Variants in NEK7 observed in about 807,000 individuals in gnomAD.
The protein encoded by NEK7 is NIMA related kinase 7.
Under a neutral mutation model 44.6 loss-of-function variants are expected in NEK7, and 18 were observed. That is an observed-to-expected ratio of 0.40 (90% CI 0.28 to 0.60). The LOEUF is 0.60. Ranked by LOEUF, NEK7 falls within the 20% of genes least tolerant of loss-of-function variation. The pLI is 0.38. For synonymous variants in NEK7, 130 were observed against 121.1 expected, an observed-to-expected ratio of 1.07 and a Z score of -0.48; for missense variants, 256 against 366.5, an observed-to-expected ratio of 0.70 and a Z score of 2.46.
intron 7 of NEK7, among the ~76,000 whole-genome samples, chr1:198,284,328 A>G (rs1654304288): frequency 6.6e-6 from 1 of 152,092 alleles, no homozygotes; most frequent in Admixed American, 6.6e-5. Flanking sequence ...ATTTGTTGTT[A>G]TTAGATCTAG....
intron 5 of NEK7, among the ~76,000 whole-genome samples, chr1:198,273,103 G>A (rs1202925148): frequency 1.3e-5 from 2 of 151,744 alleles, no homozygotes; most frequent in East Asian, 1.9e-4. Flanking sequence ...AAACAGCTTA[G>A]CACTCTTAAT....
At chr1:198,204,913 G>A (rs1665550074) in intron 1 of NEK7, among the ~76,000 whole-genome samples, 1 of 152,080 alleles carries the variant, frequency 6.6e-6, no homozygotes, top group South Asian at 2.1e-4. Context: ...GCCTGGGAGG[G>A]ATGTTTGTGC....
intron 2 of NEK7, among the ~76,000 whole-genome samples, chr1:198,248,028 G>C (rs755527970): frequency 6.6e-6 from 1 of 152,090 alleles, no homozygotes; most frequent in Non-Finnish European, 1.5e-5. Context: ...GGGTGCACTA[G>C]CCTGGCCCCA....
chr1:198,316,503 AAG>A (rs1267929822), intron 9 of NEK7, among the ~76,000 whole-genome samples: 1 of 152,200 alleles, frequency 6.6e-6, no homozygotes, highest in Non-Finnish European at 1.5e-5. Context: ...ATTTTAGAAA[AAG>A]AGGAAAGTAA....
rs1655489656 is a variant in NEK7, at chr1:198,320,009, T to C, written c.*487T>C. ...CGTTTGAAGTACTAGTTTTAGTTCT[T>C]AGCAGAGTAGTTTTCAAATATGATT... On this transcript the variant is annotated 3_prime_UTR_variant, in exon 10 of 10. Transcript: ENST00000367385. 1 of 152,398 alleles carries C rather than the reference T, an allele frequency of 6.6e-6. No individual in the cohort carries two copies. The highest frequency in any genetic ancestry group is 3.4e-3 in the Middle Eastern group (1 of 294). The allele number at this position is 152,398 out of a possible 1,614,324, so 9.4% of individuals were successfully genotyped here.
At chr1:198,177,934 GA>G (rs746152756) in intron 1 of NEK7, among the ~76,000 whole-genome samples, 11 of 151,404 alleles carry the variant, frequency 7.3e-5, no homozygotes, top group Admixed American at 4.6e-4. Context: ...GGCAAGAGAT[GA>G]AAAAAAATAG....
At chr1:198,271,288 A>C (rs1353661058) in intron 5 of NEK7, among the ~76,000 whole-genome samples, 1 of 152,054 alleles carries the variant, frequency 6.6e-6, no homozygotes, top group Non-Finnish European at 1.5e-5. Context: ...AGAGTAATTC[A>C]TAATATTCAC....
intron 1 of NEK7, among the ~76,000 whole-genome samples, chr1:198,204,717 CAA>C (rs58273857): frequency 0.09 from 7,875 of 87,556 alleles, 222 homozygotes; most frequent in African/African-American, 0.2. Context: ...GACTCCGTCT[CAA>C]AAAAAAAAAA....
intron 2 of NEK7, among the ~76,000 whole-genome samples, chr1:198,238,032 A>G (rs1666583841): frequency 6.6e-6 from 1 of 152,124 alleles, no homozygotes; most frequent in Non-Finnish European, 1.5e-5. Flanking sequence ...TTTCAAATCA[A>G]CCTGTCCACT....
At chr1:198,202,671 C>T (rs1046755865) in intron 1 of NEK7, among the ~76,000 whole-genome samples, 4 of 152,182 alleles carry the variant, frequency 2.6e-5, no homozygotes, top group Admixed American at 2.6e-4. Flanking sequence ...TTTTACATGG[C>T]AGCAGATGAG....
rs75803260 is a variant in NEK7, at chr1:198,184,654, T to A, written c.-29+27378T>A. ...ACAGTAACAGCAAGATTACCCTTACTTCCATTAATGAAATCACAATATATA... is the reference window on the plus strand; with the variant it reads ...ACAGTAACAGCAAGATTACCCTTACATCCATTAATGAAATCACAATATATA... On this transcript the variant is annotated intron_variant, in intron 1 of 9. Coordinates refer to ENST00000367385, the MANE Select transcript of NEK7 (RefSeq NM_133494.3). Among the ~76,000 whole-genome samples, 1,006 of 152,166 alleles carry A rather than the reference T, an allele frequency of 6.6e-3. 12 individuals are homozygous for A. The highest frequency in any genetic ancestry group is 0.022 in the African/African-American group (934 of 41,514).
intron 1 of NEK7, among the ~76,000 whole-genome samples, chr1:198,212,964 A>G (rs1665818529): frequency 6.6e-6 from 1 of 152,236 alleles, no homozygotes; most frequent in South Asian, 2.1e-4. Context: ...CCTTACTGTT[A>G]CAGCTGGTAT....
chr1:198,162,427 G>GC (rs1664137797), intron 1 of NEK7, among the ~76,000 whole-genome samples: 1 of 152,096 alleles, frequency 6.6e-6, no homozygotes, highest in African/African-American at 2.4e-5. Flanking sequence ...AAAACTCCAG[G>GC]GTTGTCATTG....
At chr1:198,254,035 T>A (rs1344426250) in intron 3 of NEK7, among the ~76,000 whole-genome samples, 1 of 152,208 alleles carries the variant, frequency 6.6e-6, no homozygotes, top group Non-Finnish European at 1.5e-5. Flanking sequence ...AACTCTTTTA[T>A]CTTTTTTCTG....
chr1:198,193,606 C>A (rs1240227558), intron 1 of NEK7, among the ~76,000 whole-genome samples: 1 of 152,158 alleles, frequency 6.6e-6, no homozygotes, highest in Non-Finnish European at 1.5e-5. Context: ...AAAAGCTTAT[C>A]CACCATGATC....
intron 1 of NEK7, among the ~76,000 whole-genome samples, chr1:198,175,206 A>C (rs948906852): frequency 1.4e-5 from 2 of 139,704 alleles, no homozygotes; most frequent in African/African-American, 6.8e-5. Context: ...TAAATGAATA[A>C]ATATGAGCAG....
chr1:198,246,390 A>G (rs1490331061), intron 2 of NEK7, among the ~76,000 whole-genome samples: 3 of 152,194 alleles, frequency 2.0e-5, no homozygotes, highest in Non-Finnish European at 2.9e-5. Context: ...GGGGGGAAAA[A>G]GGTGCCGCAA....
chr1:198,169,837 C>T (rs984967895), intron 1 of NEK7, among the ~76,000 whole-genome samples: 2 of 152,196 alleles, frequency 1.3e-5, no homozygotes, highest in Non-Finnish European at 2.9e-5. Context: ...CTCTCTGGAG[C>T]ATAAGCTTCT....
chr1:198,301,242 A>T (rs1654871399), intron 9 of NEK7, among the ~76,000 whole-genome samples: 1 of 152,230 alleles, frequency 6.6e-6, no homozygotes, highest in South Asian at 2.1e-4. Context: ...GTGGTGCCTC[A>T]GTGGTTGCTT....
Sources: allele counts gnomAD v4.1 joint callset (sites outside exome capture counted in the v4.1 genomes callset), GRCh38; gene constraint gnomAD v4.1.1; transcripts MANE v1.5; gene names NCBI Gene and HGNC (gene_info 2026-07-23, HGNC 2026-07-21).